The following HDAC9 variants were observed in gnomAD, a reference collection of about 807,000 sequenced individuals.
HDAC9 encodes histone deacetylase 9.
Under a neutral mutation model 139.4 loss-of-function variants are expected in HDAC9, and 41 were observed. The observed-to-expected ratio is 0.29, with a 90% CI of 0.23 to 0.38. HDAC9 has a LOEUF of 0.38. Among genes scored for constraint, HDAC9 ranks in the 10% least tolerant of loss-of-function variants. The pLI is 1.00. For missense variants in HDAC9, 1,147 were observed against 1,297.0 expected (o/e 0.88, Z 1.78); for synonymous variants, 517 against 476.2 (o/e 1.09, Z -1.12).
intron 2 of HDAC9, among the ~76,000 whole-genome samples, chr7:18,207,959 C>T (rs530455271): frequency 1.3e-5 from 2 of 152,190 alleles, no homozygotes; most frequent in East Asian, 3.9e-4. Flanking sequence ...GGTGATCTGC[C>T]TGCCTCGGCC....
chr7:18,343,130 A>G (rs1428461195), intron 1 of HDAC9, among the ~76,000 whole-genome samples: 1 of 151,672 alleles, frequency 6.6e-6, no homozygotes, highest in Non-Finnish European at 1.5e-5. Context: ...ACACACATTT[A>G]TTTCCATCTT....
chr7:18,449,451 T>C (rs1780800931), intron 1 of HDAC9, among the ~76,000 whole-genome samples: 1 of 152,180 alleles, frequency 6.6e-6, no homozygotes. Context: ...GTCTGGCTAG[T>C]AGTTACTTTG....
chr7:18,999,211 A>G lies in HDAC9; in HGVS notation c.*3149A>G, dbSNP rs1786629768. ...TGCCTTCAGTTTTTACTCCAGCCCTATACGACACTCTCACTAACCTTTCAC... is the reference window on the plus strand; with the variant it reads ...TGCCTTCAGTTTTTACTCCAGCCCTGTACGACACTCTCACTAACCTTTCAC... On this transcript the variant is annotated 3_prime_UTR_variant, in exon 26 of 26. Transcript: ENST00000686413. 6.6e-6 allele frequency: 1 copy of G among 152,232 alleles called. No individual in the cohort carries two copies. Among genetic ancestry groups the G allele is most frequent in the South Asian group, 2.1e-4 (1 of 4,832 alleles). 9.4% of individuals were successfully genotyped at this position (152,232 alleles called of 1,614,324 possible). A position where few individuals can be genotyped will look rare whatever the true frequency, so the allele number is the denominator to read the frequency against.
In HDAC9 at chr7:18,149,240, C is replaced by A. The variant is rs568941544; in HGVS notation, c.-96-12989C>A. On this transcript the variant is annotated intron_variant, in intron 1 of 12. Coordinates refer to the HDAC9 transcript ENST00000417496. ...GTCCTTTTCTTATTTCTAAATTGTT[C>A]TTTGTTTTGTTTTCTTACTCGTTTA... is the stretch of plus-strand genomic sequence containing the variant. 2.0e-5 allele frequency among the ~76,000 whole-genome samples: 3 copies of A among 150,400 alleles called. No homozygotes were observed. In the South Asian group the frequency reaches 6.4e-4, roughly 32 times the overall value.
Position 18,270,074 on chromosome 7 carries a change from C to A in HDAC9, c.25+107725C>A, listed in dbSNP as rs115644026. On this transcript the variant is annotated intron_variant, in intron 2 of 12. Transcript: ENST00000417496. ...CCTGGCTTCTATCTACTGGCACACT[C>A]AGCCCACATTGTGACAACCAAAAAT... Among the ~76,000 whole-genome samples the A allele has an allele frequency of 6.3e-3, 952 of 152,206 alleles. 10 individuals are homozygous for A. Among genetic ancestry groups the A allele is most frequent in the African/African-American group, 0.022 (895 of 41,528 alleles).
In HDAC9 at chr7:18,172,551, G is replaced by A. The variant is rs1485403531; in HGVS notation, c.25+10202G>A. 3.9e-5 allele frequency among the ~76,000 whole-genome samples: 6 copies of A among 152,202 alleles called. No homozygotes were observed. The East Asian group carries it at 1.2e-3, about 29-fold the overall frequency. ...CGTTTAACTGTGATGTTACGGTGTTGATTTTAGATCTTTCTTGCTTTCTTT... is the reference window on the plus strand; with the variant it reads ...CGTTTAACTGTGATGTTACGGTGTTAATTTTAGATCTTTCTTGCTTTCTTT... On this transcript the variant is annotated intron_variant, in intron 2 of 12. Transcript: ENST00000417496.
At chr7:18,467,589 T>C (rs1012124241) in intron 1 of HDAC9, among the ~76,000 whole-genome samples, 1 of 152,208 alleles carries the variant, frequency 6.6e-6, no homozygotes, top group African/African-American at 2.4e-5. Flanking sequence ...TTATGTAACT[T>C]CATAAAATAA....
At chr7:18,200,374 T>C (rs1791030000) in intron 2 of HDAC9, among the ~76,000 whole-genome samples, 1 of 152,218 alleles carries the variant, frequency 6.6e-6, no homozygotes, top group Admixed American at 6.5e-5. Flanking sequence ...GTTTTTTCAA[T>C]ATTCTATGAG....
intron 2 of HDAC9, among the ~76,000 whole-genome samples, chr7:18,274,839 A>G (rs1364845255): frequency 3.9e-5 from 6 of 152,232 alleles, no homozygotes; most frequent in East Asian, 1.9e-4. Context: ...GGTTATGTAC[A>G]TATGAAATAA....
chr7:18,809,644 T>A (rs181336746), intron 17 of HDAC9, among the ~76,000 whole-genome samples: 326 of 152,012 alleles, frequency 2.1e-3, no homozygotes, highest in African/African-American at 7.6e-3. Flanking sequence ...TCGCTAATTA[T>A]CAGGGAAATG....
In HDAC9 at chr7:18,692,754, C is replaced by T. The variant is rs1019851676; in HGVS notation, c.1731+26278C>T. On this transcript the variant is annotated intron_variant, in intron 12 of 25. Transcript: ENST00000686413. Reference sequence around the variant, plus strand: ...AAACAGGGCTCTGACAATCTAATGTCTTTCGCCAGCCATTTATAAAAGTGA... The same window carrying T: ...AAACAGGGCTCTGACAATCTAATGTTTTTCGCCAGCCATTTATAAAAGTGA... 3.3e-5 allele frequency among the ~76,000 whole-genome samples: 5 copies of T among 152,036 alleles called. No homozygotes were observed. The East Asian group carries it at 9.6e-4, about 29-fold the overall frequency.
chr7:18,211,532 T>C (rs975569867), intron 2 of HDAC9, among the ~76,000 whole-genome samples: 12 of 152,198 alleles, frequency 7.9e-5, no homozygotes, highest in African/African-American at 2.9e-4. Flanking sequence ...TCTATGGACA[T>C]TTGATTTGAT....
intron 12 of HDAC9, among the ~76,000 whole-genome samples, chr7:18,696,369 T>C: frequency 6.7e-6 from 1 of 148,354 alleles, no homozygotes; most frequent in Non-Finnish European, 1.5e-5. Context: ...ATGTTATAAT[T>C]ATATAGTATA....
intron 1 of HDAC9, among the ~76,000 whole-genome samples, chr7:18,319,954 GT>G (rs1799913809): frequency 6.6e-6 from 1 of 152,044 alleles, no homozygotes; most frequent in African/African-American, 2.4e-5. Flanking sequence ...GGTTTTTGTT[GT>G]TGTTGATGAC....
chr7:18,719,317 A>AT (rs1017336418), intron 12 of HDAC9, among the ~76,000 whole-genome samples: 9 of 63,270 alleles, frequency 1.4e-4, no homozygotes, highest in African/African-American at 5.2e-4. Context: ...TAATTAACCT[A>AT]TTTTTTTCTC....
At chr7:18,195,069 C>T (rs1790630166) in intron 2 of HDAC9, among the ~76,000 whole-genome samples, 1 of 152,106 alleles carries the variant, frequency 6.6e-6, no homozygotes. Context: ...CCACTGGTCA[C>T]AAACGCTGTC....
intron 1 of HDAC9, among the ~76,000 whole-genome samples, chr7:18,482,760 C>T (rs762506910): frequency 6.6e-6 from 1 of 152,140 alleles, no homozygotes; most frequent in Non-Finnish European, 1.5e-5. Context: ...GCATTAACAG[C>T]TAGGTGTGCC....
chr7:18,993,828 CGA>C lies in HDAC9; in HGVS notation c.3171-2186_3171-2185del, dbSNP rs536103000. ...AAAAATACATAAATAAATGAAAGAGCGAGAGAGAGAATTGGTTAATTATGCAT... is the reference window on the plus strand; with the variant it reads ...AAAAATACATAAATAAATGAAAGAGCGAGAGAGAATTGGTTAATTATGCAT... On this transcript the variant is annotated intron_variant, in intron 25 of 25. Coordinates refer to ENST00000686413, the MANE Select transcript of HDAC9 (RefSeq NM_178425.4). Among the ~76,000 whole-genome samples the C allele has an allele frequency of 9.9e-5, 15 of 151,708 alleles. No individual in the cohort carries two copies. In the South Asian group the frequency reaches 3.1e-3, roughly 32 times the overall value.
intron 12 of HDAC9, among the ~76,000 whole-genome samples, chr7:18,724,286 G>A (rs1182971552): frequency 6.6e-6 from 1 of 152,022 alleles, no homozygotes; most frequent in East Asian, 1.9e-4. Context: ...GACCTAGATG[G>A]TATAGCCTAC....
Sources: allele counts gnomAD v4.1 joint callset (sites outside exome capture counted in the v4.1 genomes callset), GRCh38; gene constraint gnomAD v4.1.1; transcripts MANE v1.5; gene names NCBI Gene and HGNC (gene_info 2026-07-23, HGNC 2026-07-21).